SV2C: variants seen among roughly 807,000 people sequenced by gnomAD.
SV2C encodes solute carrier family 22 member B3.
Under a neutral mutation model 79.7 loss-of-function variants are expected in SV2C, and 49 were observed. The ratio of observed to expected loss-of-function variants is 0.61; its 90% confidence interval spans 0.49 to 0.78. The LOEUF (loss-of-function observed/expected upper bound fraction) is 0.78, where lower values mean the gene tolerates loss of function less well. SV2C is among the 30% of genes least tolerant of loss of function. SV2C has a pLI of 0.00. For synonymous variants in SV2C, 334 were observed against 333.2 expected (o/e 1.00, Z -0.03); for missense variants, 833 against 912.9 (o/e 0.91, Z 1.13).
At chr5:76,317,211 T>C (rs775683945) in intron 12 of SV2C, among the ~76,000 whole-genome samples, 8 of 152,202 alleles carry the variant, frequency 5.3e-5, no homozygotes, top group Non-Finnish European at 1.0e-4. Context: ...TCATTTTTAA[T>C]ATTTTTTCTC....
At chr5:76,159,373 G>GA (rs757372279) in intron 2 of SV2C, among the ~76,000 whole-genome samples, 2 of 152,108 alleles carry the variant, frequency 1.3e-5, no homozygotes, top group East Asian at 3.8e-4. Context: ...CGTGTATATG[G>GA]AAAATCCCAG....
the SV2C span, among the ~76,000 whole-genome samples, chr5:75,943,433 C>T: frequency 6.6e-6 from 1 of 152,128 alleles, no homozygotes; most frequent in African/African-American, 2.4e-5. Flanking sequence ...TTTGCCCCTT[C>T]TTTTTCTCAG....
chr5:75,961,561 AAT>A, the SV2C span, among the ~76,000 whole-genome samples: 20 of 152,068 alleles, frequency 1.3e-4, no homozygotes, highest in Non-Finnish European at 2.5e-4. Context: ...AAAATTATAA[AAT>A]ATGATTCATA....
At chr5:76,136,863 C>T (rs1749087401) in intron 2 of SV2C, among the ~76,000 whole-genome samples, 1 of 152,060 alleles carries the variant, frequency 6.6e-6, no homozygotes, top group Non-Finnish European at 1.5e-5. Flanking sequence ...CTGTGGTAGG[C>T]GTAGTAGTGT....
intron 4 of SV2C, among the ~76,000 whole-genome samples, chr5:76,272,364 G>A (rs551233372): frequency 6.6e-6 from 1 of 152,196 alleles, no homozygotes; most frequent in Non-Finnish European, 1.5e-5. Flanking sequence ...TGTTGATCAT[G>A]AGCAAGATCT....
At chr5:75,848,790 A>G in the SV2C span, among the ~76,000 whole-genome samples, 1 of 152,298 alleles carries the variant, frequency 6.6e-6, no homozygotes, top group Admixed American at 6.5e-5. Context: ...GATAGGATCA[A>G]GAATAGGCTA....
chr5:75,998,973 T>C, the SV2C span, among the ~76,000 whole-genome samples: 2 of 152,124 alleles, frequency 1.3e-5, no homozygotes, highest in African/African-American at 4.8e-5. Context: ...TTAATTGGAC[T>C]TACAATTCCA....
the SV2C span, among the ~76,000 whole-genome samples, chr5:76,001,430 A>C: frequency 1.3e-5 from 2 of 152,028 alleles, no homozygotes; most frequent in Admixed American, 1.3e-4. Context: ...GGTCTACCCC[A>C]TCTCTACTGA....
intron 6 of SV2C, among the ~76,000 whole-genome samples, chr5:76,288,568 A>G (rs1407149777): frequency 6.6e-6 from 1 of 152,214 alleles, no homozygotes; most frequent in Non-Finnish European, 1.5e-5. Context: ...CCAGATGAAG[A>G]AAAACCCTTT....
At chr5:75,984,555 ATC>A in the SV2C span, among the ~76,000 whole-genome samples, 57 of 119,054 alleles carry the variant, frequency 4.8e-4, no homozygotes, top group African/African-American at 1.6e-3. Flanking sequence ...CTATCTATCT[ATC>A]TATCTATCTA....
At chr5:76,183,165 G>A (rs574972837) in intron 2 of SV2C, among the ~76,000 whole-genome samples, 4 of 150,584 alleles carry the variant, frequency 2.7e-5, no homozygotes, top group East Asian at 2.0e-4. Flanking sequence ...CTGGGATTAC[G>A]GGTGCCTGCC....
intron 1 of SV2C, among the ~76,000 whole-genome samples, chr5:76,105,869 G>T (rs187762336): frequency 3.0e-4 from 46 of 152,054 alleles, no homozygotes; most frequent in South Asian, 1.0e-3. Flanking sequence ...TAGCTTTCCT[G>T]TGATCCGGGG....
intron 1 of SV2C, among the ~76,000 whole-genome samples, chr5:76,110,249 A>G (rs1372319191): frequency 6.6e-6 from 1 of 152,194 alleles, no homozygotes; most frequent in Non-Finnish European, 1.5e-5. Context: ...CAGCAGAGAA[A>G]GAAACAGAGG....
At chr5:75,990,053 A>T in the SV2C span, among the ~76,000 whole-genome samples, 1 of 151,490 alleles carries the variant, frequency 6.6e-6, no homozygotes, top group Admixed American at 6.6e-5. Flanking sequence ...AGGTGAATAG[A>T]TTGCAAAAAT....
chr5:75,956,389 A>G, the SV2C span, among the ~76,000 whole-genome samples: 12 of 107,908 alleles, frequency 1.1e-4, no homozygotes, highest in African/African-American at 4.5e-4. Flanking sequence ...CACTCTGGGG[A>G]CTGTTGTGGG....
At chr5:75,967,316 C>G in the SV2C span, among the ~76,000 whole-genome samples, 7 of 152,252 alleles carry the variant, frequency 4.6e-5, 1 homozygote, top group African/African-American at 1.7e-4. Context: ...GAGTGCTGGA[C>G]AGTGGGTGCA....
the SV2C span, among the ~76,000 whole-genome samples, chr5:75,991,856 C>G: frequency 6.6e-6 from 1 of 151,832 alleles, no homozygotes; most frequent in East Asian, 1.9e-4. Context: ...CTATCATATA[C>G]TAAATTTGTC....
At chr5:76,227,590 T>C (rs923793457) in intron 4 of SV2C, among the ~76,000 whole-genome samples, 4 of 152,226 alleles carry the variant, frequency 2.6e-5, no homozygotes, top group African/African-American at 9.6e-5. Flanking sequence ...AGGCCAGAGC[T>C]GAAGTCTTAG....
At chr5:76,096,622 G>A (rs1272307918) in intron 1 of SV2C, among the ~76,000 whole-genome samples, 1 of 152,174 alleles carries the variant, frequency 6.6e-6, no homozygotes, top group Non-Finnish European at 1.5e-5. Context: ...AACATGTGAT[G>A]CCTTGTGATG....
Sources: gnomAD v4.1 joint callset for allele counts (sites outside exome capture counted in the v4.1 genomes callset) on GRCh38, gnomAD v4.1.1 for gene constraint, MANE v1.5 for transcripts, NCBI Gene and HGNC (gene_info 2026-07-23, HGNC 2026-07-21) for gene names.